GRIP1: variants seen among roughly 807,000 people sequenced by gnomAD.
GRIP1 encodes the protein glutamate receptor-interacting protein 1.
In GRIP1, 45 loss-of-function variants were observed where a neutral mutation model predicts 129.9. That is an observed-to-expected ratio of 0.35 (90% CI 0.27 to 0.44). GRIP1 has a LOEUF of 0.44. GRIP1 is among the 20% of genes least tolerant of loss of function. GRIP1 has a pLI of 1.00. For synonymous variants in GRIP1, 530 were observed against 520.8 expected (o/e 1.02, Z -0.24); for missense variants, 1,196 against 1,396.8 (o/e 0.86, Z 2.29).
intron 1 of GRIP1, among the ~76,000 whole-genome samples, chr12:66,917,183 T>C (rs1371235288): frequency 1.3e-5 from 2 of 152,258 alleles, no homozygotes; most frequent in Admixed American, 6.5e-5. Flanking sequence ...GTTGTAGCTA[T>C]GCTTGTTTTT....
chr12:66,997,147 G>A (rs1051876475), intron 1 of GRIP1, among the ~76,000 whole-genome samples: 2 of 152,176 alleles, frequency 1.3e-5, no homozygotes, highest in African/African-American at 2.4e-5. Flanking sequence ...TGCAGCGTAA[G>A]AGTGACATTT....
intron 22 of GRIP1, 121 bp downstream of exon 22, chr12:66,376,896 G>A: frequency 1.3e-6 from 1 of 796,986 alleles, no homozygotes; most frequent in Non-Finnish European, 2.3e-6. Flanking sequence ...CAGTAAGCTT[G>A]AGGGGTGGAG....
intron 1 of GRIP1, among the ~76,000 whole-genome samples, chr12:66,851,496 C>G (rs1392250171): frequency 1.3e-5 from 2 of 152,108 alleles, no homozygotes; most frequent in African/African-American, 4.8e-5. Context: ...ACCAAATCTT[C>G]ATCGTGCAGG....
chr12:66,537,129 C>T (rs530496205), intron 4 of GRIP1, among the ~76,000 whole-genome samples: 8 of 152,080 alleles, frequency 5.3e-5, no homozygotes, highest in Non-Finnish European at 1.2e-4. Flanking sequence ...TTATTGAAAA[C>T]TTTGATAGTG....
intron 1 of GRIP1, among the ~76,000 whole-genome samples, chr12:66,938,688 G>A (rs1270857215): frequency 6.6e-6 from 1 of 152,138 alleles, no homozygotes; most frequent in Non-Finnish European, 1.5e-5. Flanking sequence ...GCCAGGCATA[G>A]TGGCTCATGC....
At chr12:66,989,533 G>A (rs2042363624) in intron 1 of GRIP1, among the ~76,000 whole-genome samples, 1 of 152,162 alleles carries the variant, frequency 6.6e-6, no homozygotes, top group East Asian at 1.9e-4. Context: ...CAAGTGGCCT[G>A]ATGGCAAAAT....
intron 1 of GRIP1, among the ~76,000 whole-genome samples, chr12:66,653,545 C>T (rs2032947787): frequency 6.6e-6 from 1 of 152,196 alleles, no homozygotes. Flanking sequence ...TCTTCAGTTT[C>T]TTACATGCTT....
At chr12:66,449,485 C>A (rs564533098) in intron 11 of GRIP1, among the ~76,000 whole-genome samples, 25 of 152,246 alleles carry the variant, frequency 1.6e-4, no homozygotes, top group African/African-American at 6.0e-4. Context: ...CATTCTCATT[C>A]CATCTCAGCT....
intron 1 of GRIP1, among the ~76,000 whole-genome samples, chr12:66,829,294 A>C (rs1018606684): frequency 6.6e-6 from 1 of 152,144 alleles, no homozygotes; most frequent in African/African-American, 2.4e-5. Context: ...CATGGCCACA[A>C]GTCAGGGAAT....
rs542382247 is a variant in GRIP1 at position 66,502,686 on chromosome 12, G to A, written c.724+12933C>T. Among the ~76,000 whole-genome samples, 4 of 152,178 alleles carry A rather than the reference G, an allele frequency of 2.6e-5. No homozygotes were observed. In the East Asian group the frequency reaches 7.7e-4, roughly 29 times the overall value. Reference sequence around the variant, plus strand: ...TGCTTATGCTCTTGTCCTGTGATGTGCCTGCTTCCACTTCACCTTCTGCCA... The same window carrying A: ...TGCTTATGCTCTTGTCCTGTGATGTACCTGCTTCCACTTCACCTTCTGCCA... On this transcript the variant is annotated intron_variant, in intron 7 of 24. Coordinates refer to ENST00000359742, the MANE Select transcript of GRIP1 (RefSeq NM_001366722.1).
In GRIP1 at chr12:67,053,792, C is replaced by T. The variant is rs556826274; in HGVS notation, c.58+15258G>A. Among the ~76,000 whole-genome samples, 209 of 150,946 alleles carry T rather than the reference C, an allele frequency of 1.4e-3. 1 individual carries two copies. The South Asian group carries it at 0.019, about 13-fold the overall frequency. On this transcript the variant is annotated intron_variant, in intron 1 of 1. Transcript: ENST00000643019. The stretch of plus-strand genomic sequence containing the variant: ...AGTGGAGGTTGCAATGAGCCGAGAT[C>T]GCACCACTGCACTCCAGCCTGGGAG...
At chr12:66,859,259 G>A (rs1327951572) in intron 1 of GRIP1, among the ~76,000 whole-genome samples, 1 of 21,230 alleles carries the variant, frequency 4.7e-5, no homozygotes, top group Non-Finnish European at 4.3e-4. Context: ...CACATTTTCT[G>A]AAAAAAAACA....
intron 7 of GRIP1, among the ~76,000 whole-genome samples, chr12:66,490,490 A>G (rs1229589177): frequency 6.6e-6 from 1 of 152,234 alleles, no homozygotes; most frequent in Non-Finnish European, 1.5e-5. Context: ...AAGATGGGTT[A>G]AAGACTTAAA....
intron 1 of GRIP1, among the ~76,000 whole-genome samples, chr12:66,764,548 T>G (rs543115927): frequency 1.0e-3 from 157 of 152,360 alleles, no homozygotes; most frequent in African/African-American, 3.6e-3. Flanking sequence ...TGTTCACCAA[T>G]ACTTGACAGC....
intron 1 of GRIP1, among the ~76,000 whole-genome samples, chr12:67,011,665 T>G (rs2042710065): frequency 6.6e-6 from 1 of 152,196 alleles, no homozygotes; most frequent in South Asian, 2.1e-4. Flanking sequence ...CTCAAGAAGG[T>G]TTCACTTACT....
chr12:66,652,871 G>C (rs987940509), intron 1 of GRIP1, among the ~76,000 whole-genome samples: 1 of 152,230 alleles, frequency 6.6e-6, no homozygotes, highest in African/African-American at 2.4e-5. Flanking sequence ...ATATGGTGGA[G>C]AGCCAGATGA....
intron 2 of GRIP1, among the ~76,000 whole-genome samples, chr12:66,567,039 C>T (rs976899654): frequency 1.1e-4 from 16 of 151,990 alleles, no homozygotes; most frequent in Admixed American, 2.6e-4. Flanking sequence ...GTCTTGCTAG[C>T]TGTCTATCAA....
At chr12:66,888,362 A>C (rs1420605756) in intron 1 of GRIP1, among the ~76,000 whole-genome samples, 1 of 151,754 alleles carries the variant, frequency 6.6e-6, no homozygotes, top group Non-Finnish European at 1.5e-5. Flanking sequence ...GGCCTAGCCA[A>C]GAACTGACTT....
rs183555000 is a variant in GRIP1, at chr12:66,975,860, A to T, written c.58+93190T>A. On this transcript the variant is annotated intron_variant, in intron 1 of 1. Coordinates refer to the GRIP1 transcript ENST00000643019. ...GAATGATACATTCTGAGGCAGTCAG[A>T]GCACAGCTGTTAAGAGCCATGCCCT... is the stretch of plus-strand genomic sequence containing the variant. Among the ~76,000 whole-genome samples the T allele has an allele frequency of 5.9e-5, 9 of 152,340 alleles. No homozygotes were observed. In the East Asian group the frequency reaches 7.7e-4, roughly 13 times the overall value.
Sources: allele counts gnomAD v4.1 joint callset (sites outside exome capture counted in the v4.1 genomes callset), GRCh38; gene constraint gnomAD v4.1.1; transcripts MANE v1.5; gene names NCBI Gene and HGNC (gene_info 2026-07-23, HGNC 2026-07-21).